ARHGAP27: variants seen among roughly 807,000 people sequenced by gnomAD.
ARHGAP27 encodes the protein rho GTPase-activating protein 27.
ARHGAP27 carries 53 observed loss-of-function variants against 102.0 expected under a neutral mutation model. That is an observed-to-expected ratio of 0.52 (90% CI 0.42 to 0.65). ARHGAP27 has a LOEUF of 0.65. ARHGAP27 is among the 30% of genes least tolerant of loss of function. The pLI is 0.00. For synonymous variants in ARHGAP27, 525 were observed against 542.8 expected (o/e 0.97, Z 0.46); for missense variants, 1,117 against 1,256.2 (o/e 0.89, Z 1.68).
At chr17:45,429,568 G>A (rs2049897334) in intron 4 of ARHGAP27, 55 bp downstream of exon 4, 1 of 1,574,564 alleles carries the variant, frequency 6.4e-7, no homozygotes, top group Non-Finnish European at 8.6e-7. Flanking sequence ...GGCTCCGTGC[G>A]GGCGCGGTCC....
intron 4 of ARHGAP27, among the ~76,000 whole-genome samples, chr17:45,416,297 G>T (rs1247324018): frequency 6.6e-6 from 1 of 151,442 alleles, no homozygotes; most frequent in Non-Finnish European, 1.5e-5. Context: ...CTCGTGATCC[G>T]CCCACCTCAG....
intron 4 of ARHGAP27, among the ~76,000 whole-genome samples, chr17:45,429,176 G>C (rs541369252): frequency 1.1e-3 from 166 of 152,338 alleles, no homozygotes; most frequent in African/African-American, 3.8e-3. Context: ...ATGCGCTTCG[G>C]AATACAGAAC....
chr17:45,403,802 A>C lies in ARHGAP27; in HGVS notation c.1548-93T>G, dbSNP rs115036594. On this transcript the variant is annotated intron_variant, in intron 10 of 19. Coordinates refer to ENST00000685559, the MANE Select transcript of ARHGAP27 (RefSeq NM_001282290.2). Reference sequence around the variant, plus strand: ...CCCCAGGAACAAGTCAGAGCTTAGGAACACAGGCTAGGGCACCCCATTATG... The same window carrying C: ...CCCCAGGAACAAGTCAGAGCTTAGGCACACAGGCTAGGGCACCCCATTATG... 2,525 of 1,183,032 alleles carry C rather than the reference A, an allele frequency of 2.1e-3. 49 individuals carry two copies. In the African/African-American group the frequency reaches 0.034, roughly 16 times the overall value. The allele number at this position is 1,183,032 out of a possible 1,614,324, so 73.3% of individuals were successfully genotyped here. A position where few individuals can be genotyped will look rare whatever the true frequency, so the allele number is the denominator to read the frequency against.
At position 45,430,016 on chromosome 17, in the gene ARHGAP27, A is replaced by G; in HGVS notation, c.264T>C (p.Pro88=). The G allele has an allele frequency of 8.3e-7, 1 of 1,208,674 alleles. No individual in the cohort carries two copies. The highest frequency in any genetic ancestry group is 1.0e-6 in the Non-Finnish European group (1 of 973,914). 74.9% of individuals were successfully genotyped at this position (1,208,674 alleles called of 1,614,324 possible). A position where few individuals can be genotyped will look rare whatever the true frequency, so the allele number is the denominator to read the frequency against. Reference sequence around the variant, plus strand: ...ACCGGTAGTCGTAGGCGAGCGGCTCAGGGGCCGCGGGGCTCGGGTGGGGAC... The same window carrying G: ...ACCGGTAGTCGTAGGCGAGCGGCTCGGGGGCCGCGGGGCTCGGGTGGGGAC... The part of the protein sequence containing the change: ...PPGPHPSPAA[P]EPLAYDYRFV... The change falls in exon 4 of 20, where the codon CCT becomes CCC. Residue 88 remains proline, a synonymous_variant. Transcript: ENST00000685559. The surrounding 1 kb of genome is among the most constrained non-coding windows in gnomAD (Gnocchi z 4.4).
rs1392015519 is a variant in ARHGAP27, at chr17:45,419,565, T to G, written c.657+10058A>C. On this transcript the variant is annotated intron_variant, in intron 4 of 19. Coordinates refer to ENST00000685559, the MANE Select transcript of ARHGAP27 (RefSeq NM_001282290.2). ...ATATATATATATATATATGACTTTG[T>G]AACAAAGATGCAAAATATAAAAGCC... 3.0e-5 allele frequency among the ~76,000 whole-genome samples: 4 copies of G among 135,092 alleles called. No individual in the cohort carries two copies. The Admixed American group carries it at 3.1e-4, about 10-fold the overall frequency. The allele number at this position is 135,092 out of a possible 152,430, so 88.6% of individuals were successfully genotyped here. A position where few individuals can be genotyped will look rare whatever the true frequency, so the allele number is the denominator to read the frequency against.
chr17:45,421,205 G>T (rs554682335), intron 4 of ARHGAP27, among the ~76,000 whole-genome samples: 11 of 146,844 alleles, frequency 7.5e-5, no homozygotes, highest in Non-Finnish European at 1.5e-4. Context: ...CAGTCCGGGC[G>T]CAGTGGCTCA....
At position 45,412,962 on chromosome 17, in the gene ARHGAP27, CTTTTT is replaced by C. The variant is rs36233058; in HGVS notation, c.658-6884_658-6880del. ...GTGTGGCACCACGGCTCAGTATAAT[CTTTTT>C]TTTTTTTTTTTTTTTTTTTTTTTTT... On this transcript the variant is annotated intron_variant, in intron 4 of 19. Transcript: ENST00000685559. Among the ~76,000 whole-genome samples the C allele has an allele frequency of 2.7e-3, 109 of 41,064 alleles. 1 individual carries two copies. Among genetic ancestry groups the C allele is most frequent in the Non-Finnish European group, 3.9e-3 (89 of 23,048 alleles). The allele number at this position is 41,064 out of a possible 152,430, so 26.9% of individuals were successfully genotyped here. A position where few individuals can be genotyped will look rare whatever the true frequency, so the allele number is the denominator to read the frequency against.
chr17:45,419,370 A>ATGTATG (rs2048788638), intron 4 of ARHGAP27, among the ~76,000 whole-genome samples: 2 of 151,942 alleles, frequency 1.3e-5, no homozygotes, highest in African/African-American at 4.8e-5. Flanking sequence ...TGCTGTATGT[A>ATGTATG]TATACCTATA....
Position 45,396,744 on chromosome 17 carries a change from C to G in ARHGAP27, c.1998G>C (p.Lys666Asn). 1 of 1,613,784 alleles carries G rather than the reference C, an allele frequency of 6.2e-7. No homozygotes were observed. The highest frequency in any genetic ancestry group is 8.5e-7 in the Non-Finnish European group (1 of 1,179,776). ...GGAACTTGCGGAGCTTGTGCCGGAC[C>G]TTGCTCAAGTCGCTCTCCAGGCCCA... The part of the protein sequence containing the change: ...GPVGLESDLS[K>N]VRHKLRKFLQ... Residue 666 changes from lysine (K) to asparagine (N), a missense_variant, in exon 15 of 20, where the codon AAG becomes AAC. Physicochemically the swap from Lys to Asn is moderately conservative, Grantham distance 94. This residue lies in a region of ARHGAP27 where 493 missense variants were observed against 505.5 expected (regional missense o/e 0.98). Coordinates refer to ENST00000685559, the MANE Select transcript of ARHGAP27 (RefSeq NM_001282290.2).
chr17:45,403,728 G>C lies in ARHGAP27; in HGVS notation c.1548-19C>G. 1 of 1,601,404 alleles carries C rather than the reference G, an allele frequency of 6.2e-7. No homozygotes were observed. The highest frequency in any genetic ancestry group is 8.5e-7 in the Non-Finnish European group (1 of 1,171,866). On this transcript the variant is annotated intron_variant, in intron 10 of 19. Coordinates refer to ENST00000685559, the MANE Select transcript of ARHGAP27 (RefSeq NM_001282290.2). ...CTTCTTCCTAGGTGGGGGTGGGGAA[G>C]TGGGGGTGGCAGGACTTAGATTTGG... is the stretch of plus-strand genomic sequence containing the variant.
chr17:45,409,975 C>A, intron 4 of ARHGAP27: 1 of 483,082 alleles, frequency 2.1e-6, no homozygotes, highest in Non-Finnish European at 3.6e-6. Context: ...GGCTGCCCAG[C>A]CCCCTGGTAC....
chr17:45,420,094 C>T (rs558033439), intron 4 of ARHGAP27, among the ~76,000 whole-genome samples: 1 of 152,262 alleles, frequency 6.6e-6, no homozygotes, highest in East Asian at 1.9e-4. Context: ...CCCACTTCTG[C>T]AATTTTTCCT....
Position 45,395,638 on chromosome 17 carries a change from G to GGCA in ARHGAP27, c.2493-8_2493-6dup, listed in dbSNP as rs1207038612. The GGCA allele has an allele frequency of 6.3e-7, 1 of 1,598,772 alleles. No homozygotes were observed. The highest frequency in any genetic ancestry group is 8.5e-7 in the Non-Finnish European group (1 of 1,173,262). ...TGCTCGCCGTGCTCGATCACCCTGT[G>GGCA]GCAGGGGTGGGTGGGTTCAGGGCTC... is the stretch of plus-strand genomic sequence containing the variant. On this transcript the variant is annotated splice_polypyrimidine_tract_variant and splice_region_variant and intron_variant, in intron 19 of 19. Transcript: ENST00000685559.
At chr17:45,410,495 G>T in intron 4 of ARHGAP27, 1 of 1,252,762 alleles carries the variant, frequency 8.0e-7, no homozygotes, top group Non-Finnish European at 1.0e-6. Context: ...CTCAGGTTGA[G>T]GGTATTTTTA....
chr17:45,410,115 G>T, intron 4 of ARHGAP27: 1 of 1,269,730 alleles, frequency 7.9e-7, no homozygotes, highest in Non-Finnish European at 1.1e-6. Flanking sequence ...AAAGAGAAAA[G>T]GAAGTATGAG....
Position 45,430,583 on chromosome 17 carries a change from C to T in ARHGAP27, c.-18-286G>A, listed in dbSNP as rs2049982059. On this transcript the variant is annotated intron_variant, in intron 3 of 19. Coordinates refer to ENST00000685559, the MANE Select transcript of ARHGAP27 (RefSeq NM_001282290.2). The surrounding 1 kb of genome is among the most constrained non-coding windows in gnomAD (Gnocchi z 4.4). ...TGGGGAGATTGTGGGTAGTCTTGGT[C>T]CAAATCGACTGCGAGGGAAGCCTTG... Among the ~76,000 whole-genome samples, 1 of 152,156 alleles carries T rather than the reference C, an allele frequency of 6.6e-6. No individual in the cohort carries two copies. Among genetic ancestry groups the T allele is most frequent in the Non-Finnish European group, 1.5e-5 (1 of 68,018 alleles).
chr17:45,426,268 C>A (rs533431081), intron 4 of ARHGAP27, among the ~76,000 whole-genome samples: 2 of 152,194 alleles, frequency 1.3e-5, no homozygotes, highest in South Asian at 2.1e-4. Flanking sequence ...AATGGAGGTG[C>A]CTACGCCTGC....
intron 4 of ARHGAP27, among the ~76,000 whole-genome samples, chr17:45,418,376 G>A (rs1477200643): frequency 3.3e-5 from 5 of 151,640 alleles, no homozygotes; most frequent in Non-Finnish European, 5.9e-5. Context: ...AGGACCAAGC[G>A]GGAGGACTGC....
intron 4 of ARHGAP27, chr17:45,407,404 G>C (rs185994679): frequency 6.6e-6 from 1 of 151,940 alleles, no homozygotes; most frequent in Non-Finnish European, 1.5e-5. Context: ...ATTCAGCCCA[G>C]CACCCTTGGC....
Sources: gnomAD v4.1 joint callset for allele counts (sites outside exome capture counted in the v4.1 genomes callset) on GRCh38, gnomAD v4.1.1 for gene constraint, gnomAD v4.1.1 regional missense constraint, Gnocchi (gnomAD v3.1) non-coding constraint, MANE v1.5 for transcripts, NCBI Gene and HGNC (gene_info 2026-07-23, HGNC 2026-07-21) for gene names.